The following TEC variants were observed in gnomAD, a reference collection of about 807,000 sequenced individuals.
TEC encodes tec protein tyrosine kinase, also known as tyrosine-protein kinase Tec.
Under a neutral mutation model 93.0 loss-of-function variants are expected in TEC, and 72 were observed. The ratio of observed to expected loss-of-function variants is 0.77; its 90% CI spans 0.64 to 0.94. The LOEUF (loss-of-function observed/expected upper bound fraction) is 0.94. TEC is among the 40% of genes least tolerant of loss of function. The pLI, the probability that TEC is intolerant of heterozygous loss-of-function variation, is 0.00. For synonymous variants in TEC, 249 were observed against 247.7 expected (o/e 1.01, Z -0.05); for missense variants, 630 against 757.9 (o/e 0.83, Z 1.98).
At chr4:48,187,149 T>A (rs1363080930) in intron 2 of TEC, among the ~76,000 whole-genome samples, 1 of 152,232 alleles carries the variant, frequency 6.6e-6, no homozygotes, top group Non-Finnish European at 1.5e-5. Flanking sequence ...CGGTGCTCTC[T>A]GAAACATGTG....
rs1426001459 is a variant in TEC at position 48,173,235 on chromosome 4, T to C, written c.244-1786A>G. Among the ~76,000 whole-genome samples, 5 of 152,090 alleles carry C rather than the reference T, an allele frequency of 3.3e-5. No homozygotes were observed. The East Asian group carries it at 9.6e-4, about 29-fold the overall frequency. ...CAGTCTAACTTCCCCACAAAACTCA[T>C]CTCGTGTCAGTACCGTGAGCCTGTG... On this transcript the variant is annotated intron_variant, in intron 3 of 17. Transcript: ENST00000381501.
At chr4:48,231,758 A>G (rs1723654240) in intron 1 of TEC, among the ~76,000 whole-genome samples, 1 of 152,146 alleles carries the variant, frequency 6.6e-6, no homozygotes. Context: ...CTCCGTCTGA[A>G]AAAAAAACAA....
chr4:48,183,006 CCCACATCACAAATTTTATT>C (rs879832996), intron 2 of TEC, among the ~76,000 whole-genome samples: 1 of 152,118 alleles, frequency 6.6e-6, no homozygotes, highest in Non-Finnish European at 1.5e-5. Flanking sequence ...TCGTCCCTTT[CCCACATCACAAATTTTATT>C]CCTGATGTGG....
chr4:48,152,392 C>G (rs902465217), intron 9 of TEC, among the ~76,000 whole-genome samples: 36 of 152,012 alleles, frequency 2.4e-4, no homozygotes, highest in African/African-American at 8.7e-4. Context: ...AAGCTGAGAT[C>G]ATACCACTGC....
At chr4:48,182,815 C>T (rs1337923119) in intron 2 of TEC, among the ~76,000 whole-genome samples, 2 of 152,016 alleles carry the variant, frequency 1.3e-5, no homozygotes, top group Non-Finnish European at 2.9e-5. Context: ...ATACAAATAT[C>T]CATCCTAATC....
chr4:48,191,399 C>A (rs1004773665), intron 2 of TEC, among the ~76,000 whole-genome samples: 1 of 152,062 alleles, frequency 6.6e-6, no homozygotes, highest in Non-Finnish European at 1.5e-5. Context: ...ATATTTAATA[C>A]AGATCTTTTA....
chr4:48,179,226 G>A (rs977062734), intron 2 of TEC, among the ~76,000 whole-genome samples: 1 of 151,266 alleles, frequency 6.6e-6, no homozygotes, highest in Non-Finnish European at 1.5e-5. Context: ...TGCTCTGCAA[G>A]GTAAGGATTA....
chr4:48,150,899 C>T lies in TEC; in HGVS notation c.836G>A (p.Gly279Asp). The T allele has an allele frequency of 1.9e-6, 3 of 1,589,020 alleles. No individual in the cohort carries two copies. Among genetic ancestry groups the T allele is most frequent in the Non-Finnish European group, 2.6e-6 (3 of 1,169,004 alleles). ...GGTATAAAGGGAGACTGTGTACAAGCCTGGTTGACTGGAATCCCTTACCAT... is the reference window on the plus strand; with the variant it reads ...GGTATAAAGGGAGACTGTGTACAAGTCTGGTTGACTGGAATCCCTTACCAT... ...GFMVRDSSQP[G>D]LYTVSLYTKF... is the part of the protein sequence containing the mutation. The change falls in exon 10 of 18, where the codon GGC becomes GAC. Residue 279 changes from glycine to aspartate, a missense_variant. Physicochemically the swap from Gly to Asp is moderately conservative, Grantham distance 94. Transcript: ENST00000381501.
At chr4:48,166,411 C>T (rs11730441) in intron 7 of TEC, among the ~76,000 whole-genome samples, 56,714 of 151,944 alleles carry the variant, frequency 0.37, 11,620 homozygotes, top group East Asian at 0.9. Context: ...TATGTGGATT[C>T]TCATTTGTAC....
At chr4:48,213,098 T>A (rs1052319314) in intron 2 of TEC, among the ~76,000 whole-genome samples, 1 of 152,232 alleles carries the variant, frequency 6.6e-6, no homozygotes, top group African/African-American at 2.4e-5. Context: ...TCCATGTGAC[T>A]TTCGTAGTCG....
chr4:48,228,663 C>T lies in TEC; in HGVS notation c.-45-4G>A, dbSNP rs747369903. On this transcript the variant is annotated splice_polypyrimidine_tract_variant and splice_region_variant and intron_variant, in intron 1 of 17. Transcript: ENST00000381501. Reference sequence around the variant, plus strand: ...TGCCACTGAAGATCCCAGTATTCTACAGTGAAAAAAGAAACAGTTAAAATG... The same window carrying T: ...TGCCACTGAAGATCCCAGTATTCTATAGTGAAAAAAGAAACAGTTAAAATG... The T allele has an allele frequency of 3.2e-6, 5 of 1,567,424 alleles. No individual in the cohort carries two copies. The highest frequency in any genetic ancestry group is 3.4e-6 in the Non-Finnish European group (4 of 1,163,426).
At chr4:48,266,192 C>T (rs1724634815) in intron 1 of TEC, among the ~76,000 whole-genome samples, 1 of 152,328 alleles carries the variant, frequency 6.6e-6, no homozygotes, top group South Asian at 2.1e-4. Context: ...CTCTAGGCAT[C>T]CTATTCCAGG....
In TEC at chr4:48,139,005, TG is replaced by T; in HGVS notation, c.1552del (p.Gln518SerfsTer12). ...CTTAGCACCAGAAGAACTTGTGTAC[TG>T]ATCATCCAGAACATACCTAGAGTAA... The part of the protein sequence containing the change: ...FGMARYVLDD[Q>X]YTSSSGAKFP... On this transcript the variant is annotated frameshift_variant, in exon 16 of 18. Transcript: ENST00000381501. LOFTEE classifies it high-confidence loss of function. The T allele has an allele frequency of 6.2e-7, 1 of 1,614,112 alleles. No individual in the cohort carries two copies. The highest frequency in any genetic ancestry group is 8.5e-7 in the Non-Finnish European group (1 of 1,179,930).
chr4:48,203,320 G>C (rs887029433), intron 2 of TEC, among the ~76,000 whole-genome samples: 8 of 149,486 alleles, frequency 5.4e-5, no homozygotes, highest in African/African-American at 9.8e-5. Flanking sequence ...AGCCGAGATT[G>C]CACCACTGCA....
chr4:48,144,711 G>C (rs577882912), intron 14 of TEC, among the ~76,000 whole-genome samples: 2 of 152,236 alleles, frequency 1.3e-5, no homozygotes, highest in South Asian at 4.2e-4. Flanking sequence ...AGAAAGTCAA[G>C]GCCAACCCCA....
At chr4:48,198,784 T>C (rs1325009318) in intron 2 of TEC, among the ~76,000 whole-genome samples, 7 of 152,024 alleles carry the variant, frequency 4.6e-5, no homozygotes, top group African/African-American at 1.7e-4. Flanking sequence ...ACAATAGAAG[T>C]ATATTTAAAT....
chr4:48,150,932 CCTT>C lies in TEC; in HGVS notation c.800_802del (p.Glu267del). On this transcript the variant is annotated inframe_deletion, in exon 10 of 18. Coordinates refer to ENST00000381501, the MANE Select transcript of TEC (RefSeq NM_003215.3). ...ACTGGAATCCCTTACCATAAAACCA[CCTT>C]CTTTATCCTAAAATCCAAGTTCAGA... The C allele has an allele frequency of 6.3e-7, 1 of 1,581,854 alleles. No individual in the cohort carries two copies.
chr4:48,159,861 C>T (rs1720555407), intron 8 of TEC, among the ~76,000 whole-genome samples: 1 of 152,136 alleles, frequency 6.6e-6, no homozygotes, highest in African/African-American at 2.4e-5. Context: ...TTTCAACAAC[C>T]AGTTCTTGTG....
At chr4:48,191,757 T>G (rs1431775106) in intron 2 of TEC, among the ~76,000 whole-genome samples, 1 of 152,026 alleles carries the variant, frequency 6.6e-6, no homozygotes, top group Non-Finnish European at 1.5e-5. Context: ...TTGGGCAACA[T>G]AGCAAGACTC....
Sources: gnomAD v4.1 joint callset for allele counts (sites outside exome capture counted in the v4.1 genomes callset) on GRCh38, gnomAD v4.1.1 for gene constraint, MANE v1.5 for transcripts, NCBI Gene and HGNC (gene_info 2026-07-23, HGNC 2026-07-21) for gene names.